Variants in PIP observed in about 807,000 individuals in gnomAD.
PIP encodes the protein prolactin induced protein, also known as prolactin-inducible protein.
A neutral mutation model predicts 12.8 loss-of-function variants in PIP; 9 were observed. The ratio of observed to expected loss-of-function variants is 0.70; its 90% CI spans 0.42 to 1.23. PIP has a LOEUF of 1.23. Among genes scored for constraint, PIP ranks in the 50% most tolerant of loss-of-function variants. PIP has a pLI of 0.00. For synonymous variants in PIP, 60 were observed against 66.1 expected, an observed-to-expected ratio of 0.91 and a Z score of 0.45; for missense variants, 172 against 179.5, an observed-to-expected ratio of 0.96 and a Z score of 0.24.
Position 143,139,593 on chromosome 7 carries a change from C to T in PIP, c.392C>T (p.Pro131Leu), listed in dbSNP as rs769106479. ...TGCCCTGATGATGCTGCTGTAATCC[C>T]CATCAAAAACAACCGGTTTTATACT... ...GICPDDAAVIPIKNNRFYTIE... is the reference protein window; with the variant it reads ...GICPDDAAVILIKNNRFYTIE... The change falls in exon 4 of 4, where the codon CCC (proline) becomes CTC (leucine). Residue 131 changes from proline to leucine, a missense_variant. Coordinates refer to ENST00000291009, the MANE Select transcript of PIP (RefSeq NM_002652.3). 2 of 1,612,198 alleles carry T rather than the reference C, an allele frequency of 1.2e-6. No individual in the cohort carries two copies. Among genetic ancestry groups the T allele is most frequent in the East Asian group, 2.2e-5 (1 of 44,884 alleles).
At chr7:143,138,471 A>G (rs958092057) in intron 2 of PIP, among the ~76,000 whole-genome samples, 1 of 152,100 alleles carries the variant, frequency 6.6e-6, no homozygotes, top group Non-Finnish European at 1.5e-5. Flanking sequence ...GGGATCTTGA[A>G]TTGCAAAGCA....
chr7:143,136,806 C>A (rs1799314963), intron 2 of PIP, among the ~76,000 whole-genome samples: 1 of 151,870 alleles, frequency 6.6e-6, no homozygotes, highest in Non-Finnish European at 1.5e-5. Context: ...ATAAAGCAAT[C>A]TTTTCAAAAC....
intron 2 of PIP, among the ~76,000 whole-genome samples, chr7:143,136,005 C>T (rs959866334): frequency 3.9e-5 from 6 of 152,034 alleles, no homozygotes; most frequent in Admixed American, 1.3e-4. Context: ...TTTTAACAGA[C>T]GCCCAAGGTA....
chr7:143,134,233 TAC>T (rs1311186319), intron 1 of PIP, among the ~76,000 whole-genome samples: 18 of 86,370 alleles, frequency 2.1e-4, no homozygotes, highest in Admixed American at 2.6e-4. Context: ...TATATATATA[TAC>T]CACAGTTTCT....
At chr7:143,135,681 A>C (rs1799302732) in intron 2 of PIP, among the ~76,000 whole-genome samples, 1 of 151,788 alleles carries the variant, frequency 6.6e-6, no homozygotes, top group East Asian at 1.9e-4. Flanking sequence ...TCCACACCAT[A>C]GGTTGAGGTG....
chr7:143,134,043 C>G (rs1230883757), intron 1 of PIP, among the ~76,000 whole-genome samples: 2 of 151,036 alleles, frequency 1.3e-5, no homozygotes, highest in Non-Finnish European at 3.0e-5. Flanking sequence ...AGCTTAGCTC[C>G]CACATATCAG....
chr7:143,139,669 C>A lies in PIP; in HGVS notation c.*27C>A, dbSNP rs749850660. 5.7e-6 allele frequency: 9 copies of A among 1,590,124 alleles called. No individual in the cohort carries two copies. The South Asian group carries it at 8.9e-5, about 16-fold the overall frequency. ...GGAAGCCCTGTCTGTTTGCCACACC[C>A]AGGTGATTTCCTCTAAAGAAACTTG... On this transcript the variant is annotated 3_prime_UTR_variant, in exon 4 of 4. Coordinates refer to ENST00000291009, the MANE Select transcript of PIP (RefSeq NM_002652.3).
chr7:143,133,486 T>A (rs1799265493), intron 1 of PIP, among the ~76,000 whole-genome samples: 1 of 152,150 alleles, frequency 6.6e-6, no homozygotes, highest in Admixed American at 6.5e-5. Flanking sequence ...TTCCCTTCTG[T>A]CCCACACAAT....
intron 2 of PIP, among the ~76,000 whole-genome samples, chr7:143,136,012 G>A (rs1799306121): frequency 6.6e-6 from 1 of 152,054 alleles, no homozygotes; most frequent in Non-Finnish European, 1.5e-5. Context: ...AGACGCCCAA[G>A]GTACACCAAG....
Position 143,135,249 on chromosome 7 carries a change from G to A in PIP, c.151G>A (p.Glu51Lys), listed in dbSNP as rs750884957. The stretch of plus-strand genomic sequence containing the variant: ...TCCCAAGTCAGTACGTCCAAATGAC[G>A]AAGTCACTGCAGTGCTTGCAGTTCA... ...DIPKSVRPNDEVTAVLAVQTE... is the reference protein window; with the variant it reads ...DIPKSVRPNDKVTAVLAVQTE... Residue 51 changes from glutamate (E) to lysine (K), a missense_variant, in exon 2 of 4, where the codon GAA (glutamate) becomes AAA (lysine). Transcript: ENST00000291009. 1.1e-5 allele frequency: 17 copies of A among 1,603,618 alleles called. No individual in the cohort carries two copies. Among genetic ancestry groups the A allele is most frequent in the African/African-American group, 5.3e-5 (4 of 74,808 alleles).
chr7:143,132,260 C>A (rs1288480107), intron 1 of PIP, 49 bp downstream of exon 1: 1 of 1,595,632 alleles, frequency 6.3e-7, no homozygotes, highest in Non-Finnish European at 8.6e-7. Context: ...AGGGAGGGCT[C>A]CTCTCCCAGT....
intron 3 of PIP, 39 bp downstream of exon 3, chr7:143,139,228 A>G (rs78973384): frequency 0.06 from 67,313 of 1,126,300 alleles, 2,845 homozygotes; most frequent in Middle Eastern, 0.12. Context: ...ACTACCCACC[A>G]GCCACCAGGG....
intron 1 of PIP, among the ~76,000 whole-genome samples, chr7:143,132,604 A>G (rs956206160): frequency 5.9e-5 from 9 of 152,104 alleles, no homozygotes; most frequent in Non-Finnish European, 1.2e-4. Context: ...GTGAATTCCA[A>G]TGGCAGCTTA....
Position 143,132,088 on chromosome 7 carries a change from G to A in PIP, c.-29G>A, listed in dbSNP as rs376790689. ...TGGGCACCTGGGACACCACTTCTCTGGGACACATTGCCTTCTGTTTTCTCC... is the reference window on the plus strand; with the variant it reads ...TGGGCACCTGGGACACCACTTCTCTAGGACACATTGCCTTCTGTTTTCTCC... On this transcript the variant is annotated 5_prime_UTR_variant, in exon 1 of 4. Transcript: ENST00000291009. The A allele has an allele frequency of 4.3e-6, 7 of 1,612,366 alleles. No homozygotes were observed. Among genetic ancestry groups the A allele is most frequent in the Non-Finnish European group, 5.9e-6 (7 of 1,178,914 alleles).
chr7:143,135,178 C>A lies in PIP; in HGVS notation c.96-16C>A. 1 of 1,372,358 alleles carries A rather than the reference C, an allele frequency of 7.3e-7. No homozygotes were observed. Among genetic ancestry groups the A allele is most frequent in the Non-Finnish European group, 1.0e-6 (1 of 961,988 alleles). The allele number at this position is 1,372,358 out of a possible 1,614,324, so 85.0% of individuals were successfully genotyped here. A position where few individuals can be genotyped will look rare whatever the true frequency, so the allele number is the denominator to read the frequency against. On this transcript the variant is annotated splice_polypyrimidine_tract_variant and intron_variant, in intron 1 of 3. Coordinates refer to ENST00000291009, the MANE Select transcript of PIP (RefSeq NM_002652.3). Reference sequence around the variant, plus strand: ...TCTCTGATCCTGGTGTTCTGATTCTCTCTTCCCACAATCAGTCGGAAGATC... The same window carrying A: ...TCTCTGATCCTGGTGTTCTGATTCTATCTTCCCACAATCAGTCGGAAGATC...
At chr7:143,139,355 G>C (rs1314465315) in intron 3 of PIP, among the ~76,000 whole-genome samples, 163 bp from the exon 4 acceptor site, 1 of 151,986 alleles carries the variant, frequency 6.6e-6, no homozygotes, top group African/African-American at 2.4e-5. Context: ...AAAGCACCCA[G>C]GTTCTAAGAC....
intron 1 of PIP, among the ~76,000 whole-genome samples, chr7:143,134,182 T>C (rs1165498570): frequency 1.3e-5 from 1 of 76,606 alleles, no homozygotes; most frequent in Non-Finnish European, 2.4e-5. Flanking sequence ...TAGTATTCCA[T>C]CATATATATA....
In PIP at chr7:143,134,222, ATATATATATATAC is replaced by A. The variant is rs1799278041; in HGVS notation, c.96-971_96-959del. ...TATATATATATATATATATATATAT[ATATATATATATAC>A]CACAGTTTCTTTATCCACTCGTTGA... On this transcript the variant is annotated intron_variant, in intron 1 of 3. Transcript: ENST00000291009. Among the ~76,000 whole-genome samples, 13 of 105,120 alleles carry A rather than the reference ATATATATATATAC, an allele frequency of 1.2e-4. 1 individual carries two copies. Among genetic ancestry groups the A allele is most frequent in the South Asian group, 2.7e-4 (1 of 3,666 alleles). 69.0% of individuals were successfully genotyped at this position (105,120 alleles called of 152,430 possible).
At chr7:143,132,391 T>C (rs1459606902) in intron 1 of PIP, among the ~76,000 whole-genome samples, 180 bp downstream of exon 1, 2 of 152,074 alleles carry the variant, frequency 1.3e-5, no homozygotes, top group Non-Finnish European at 2.9e-5. Flanking sequence ...CCCCACCAAC[T>C]CCTCTCACAT....
Sources: allele counts gnomAD v4.1 joint callset (sites outside exome capture counted in the v4.1 genomes callset), GRCh38; gene constraint gnomAD v4.1.1; transcripts MANE v1.5; gene names NCBI Gene and HGNC (gene_info 2026-07-23, HGNC 2026-07-21).